The following NAA25 variants were observed in gnomAD, a reference collection of about 807,000 sequenced individuals.
NAA25 encodes the protein N-alpha-acetyltransferase 25, NatB auxiliary subunit.
A neutral mutation model predicts 132.5 loss-of-function variants in NAA25; 30 were observed. That is an observed-to-expected ratio of 0.23 (90% confidence interval 0.17 to 0.31). The LOEUF is 0.31. Among genes scored for constraint, NAA25 ranks in the 10% least tolerant of loss-of-function variants. The pLI, the probability that NAA25 is intolerant of heterozygous loss-of-function variation, is 1.00. For synonymous variants in NAA25, 359 were observed against 401.9 expected, an observed-to-expected ratio of 0.89 and a Z score of 1.28; for missense variants, 771 against 1,150.4, an observed-to-expected ratio of 0.67 and a Z score of 4.77.
chr12:112,076,690 T>G (rs116126208), intron 7 of NAA25, among the ~76,000 whole-genome samples: 2,338 of 151,336 alleles, frequency 0.015, 71 homozygotes, highest in African/African-American at 0.054. Flanking sequence ...AGAGCTATAA[T>G]GTAGTTTAAA....
At chr12:112,101,847 A>T (rs1267649867) in intron 1 of NAA25, among the ~76,000 whole-genome samples, 2 of 151,582 alleles carry the variant, frequency 1.3e-5, no homozygotes, top group African/African-American at 4.8e-5. Flanking sequence ...CAGCTATTAA[A>T]TTTTTTCCAA....
At position 112,069,175 on chromosome 12, in the gene NAA25, T is replaced by TC. The variant is rs60187929; in HGVS notation, c.1037-184dup. The TC allele has an allele frequency of 5.6e-6, 3 of 534,298 alleles. 1 individual carries two copies. In the African/African-American group the frequency reaches 5.8e-5, roughly 10 times the overall value. The allele number at this position is 534,298 out of a possible 1,614,324, so 33.1% of individuals were successfully genotyped here. ...AGACTGAACTCATTGTTCTACTCTT[T>TC]CCCCCTTTTCACCACTGCACCTGAC... On this transcript the variant is annotated intron_variant, in intron 10 of 23. Coordinates refer to ENST00000261745, the MANE Select transcript of NAA25 (RefSeq NM_024953.4).
At chr12:112,065,703 T>C (rs1305913929) in intron 11 of NAA25, 2 of 152,122 alleles carry the variant, frequency 1.3e-5, no homozygotes, top group Non-Finnish European at 2.9e-5. Context: ...AATCATTTTA[T>C]TGTTTAGCTA....
intron 5 of NAA25, among the ~76,000 whole-genome samples, chr12:112,079,805 G>C (rs528642121): frequency 2.0e-5 from 3 of 152,232 alleles, no homozygotes; most frequent in Admixed American, 6.5e-5. Context: ...AGTGATAAAA[G>C]AAGGCCACCC....
chr12:112,085,887 A>G (rs1462934177), intron 4 of NAA25, among the ~76,000 whole-genome samples: 2 of 148,846 alleles, frequency 1.3e-5, no homozygotes, highest in African/African-American at 5.0e-5. Context: ...GTGTGGTGAC[A>G]TGTGCCTGTA....
chr12:112,106,116 T>C (rs1007254785), intron 1 of NAA25, among the ~76,000 whole-genome samples: 1 of 152,228 alleles, frequency 6.6e-6, no homozygotes, highest in Non-Finnish European at 1.5e-5. Flanking sequence ...CCTGCCAGTT[T>C]ATACTAATCG....
At chr12:112,072,094 T>G in intron 9 of NAA25, 30 bp from the exon 10 acceptor site, 1 of 1,588,724 alleles carries the variant, frequency 6.3e-7, no homozygotes, top group Non-Finnish European at 8.6e-7. Flanking sequence ...AAAGGAATTT[T>G]ATTGCCTCTA....
intron 22 of NAA25, chr12:112,034,805 C>G (rs2078201918): frequency 7.4e-6 from 1 of 135,710 alleles, no homozygotes; most frequent in African/African-American, 2.8e-5. Context: ...CAGTGAGACT[C>G]TGTCTCAAAA....
Position 112,026,849 on chromosome 12 carries a change from C to T in NAA25, c.*2682G>A, listed in dbSNP as rs1044416050. 2.0e-5 allele frequency: 3 copies of T among 152,248 alleles called. No homozygotes were observed. The highest frequency in any genetic ancestry group is 7.2e-5 in the African/African-American group (3 of 41,428). 9.4% of individuals were successfully genotyped at this position (152,248 alleles called of 1,614,324 possible). On this transcript the variant is annotated 3_prime_UTR_variant, in exon 24 of 24. Transcript: ENST00000261745. Reference sequence around the variant, plus strand: ...TAACAAGCCTGTAGATACATTGAAACCCCTTTTTATATTAAAAGTTAAAAT... The same window carrying T: ...TAACAAGCCTGTAGATACATTGAAATCCCTTTTTATATTAAAAGTTAAAAT...
chr12:112,064,124 A>G (rs1034556968), intron 11 of NAA25: 4 of 152,332 alleles, frequency 2.6e-5, no homozygotes, highest in Admixed American at 2.6e-4. Flanking sequence ...TCTGTAATGA[A>G]TTTGCTTCAA....
chr12:112,096,954 GTAT>G (rs774595496), intron 1 of NAA25, among the ~76,000 whole-genome samples: 10 of 152,262 alleles, frequency 6.6e-5, no homozygotes, highest in Non-Finnish European at 1.2e-4. Context: ...GACTATAAGG[GTAT>G]TTTTCCCTTC....
At chr12:112,059,358 T>C (rs2078592866) in intron 13 of NAA25, among the ~76,000 whole-genome samples, 1 of 152,152 alleles carries the variant, frequency 6.6e-6, no homozygotes, top group South Asian at 2.1e-4. Flanking sequence ...TCTTCAGCCC[T>C]TTGTTTCTTC....
At chr12:112,072,269 C>T (rs2078821170) in intron 9 of NAA25, among the ~76,000 whole-genome samples, 1 of 152,094 alleles carries the variant, frequency 6.6e-6, no homozygotes, top group Admixed American at 6.5e-5. Flanking sequence ...ATTACTGCAG[C>T]ATAACTTACC....
intron 18 of NAA25, 77 bp downstream of exon 18, chr12:112,043,548 C>A: frequency 6.6e-7 from 1 of 1,515,648 alleles, no homozygotes; most frequent in Non-Finnish European, 9.0e-7. Flanking sequence ...ACTACTCACC[C>A]ACCCCAAACT....
At chr12:112,038,269 C>T (rs1463167047) in intron 22 of NAA25, among the ~76,000 whole-genome samples, 2 of 152,198 alleles carry the variant, frequency 1.3e-5, no homozygotes, top group Non-Finnish European at 2.9e-5. Context: ...CCGTCTCGGC[C>T]TCCCAAAGTG....
Position 112,027,662 on chromosome 12 carries a change from A to G in NAA25, c.*1869T>C, listed in dbSNP as rs979186432. On this transcript the variant is annotated 3_prime_UTR_variant, in exon 24 of 24. Coordinates refer to ENST00000261745, the MANE Select transcript of NAA25 (RefSeq NM_024953.4). ...ATGCTAGATTGATCATGGTCAGTCG[A>G]TAGACTTTTTCAAAGAGCATTTCTA... 6.6e-6 allele frequency: 1 copy of G among 152,258 alleles called. No individual in the cohort carries two copies. Among genetic ancestry groups the G allele is most frequent in the Non-Finnish European group, 1.5e-5 (1 of 68,050 alleles). The allele number at this position is 152,258 out of a possible 1,614,324, so 9.4% of individuals were successfully genotyped here. A position where few individuals can be genotyped will look rare whatever the true frequency, so the allele number is the denominator to read the frequency against.
At position 112,074,499 on chromosome 12, in the gene NAA25, T is replaced by C. The variant is rs796876540; in HGVS notation, c.866+176A>G. On this transcript the variant is annotated intron_variant, in intron 9 of 23. Transcript: ENST00000261745. Reference sequence around the variant, plus strand: ...CACACCACATATTTTGGCACTAACATGATTTTTAGAATGAACTTGTGTATT... The same window carrying C: ...CACACCACATATTTTGGCACTAACACGATTTTTAGAATGAACTTGTGTATT... Among the ~76,000 whole-genome samples, 3 of 152,254 alleles carry C rather than the reference T, an allele frequency of 2.0e-5. No individual in the cohort carries two copies. In the South Asian group the frequency reaches 6.2e-4, roughly 32 times the overall value.
intron 1 of NAA25, among the ~76,000 whole-genome samples, chr12:112,107,394 TTG>T (rs2079378831): frequency 1.3e-5 from 2 of 150,066 alleles, no homozygotes; most frequent in African/African-American, 4.9e-5. Context: ...TTTTTTTTTG[TTG>T]TTGTTGTTGT....
chr12:112,080,955 G>T, intron 5 of NAA25, 105 bp downstream of exon 5: 1 of 929,882 alleles, frequency 1.1e-6, no homozygotes, highest in Non-Finnish European at 1.8e-6. Flanking sequence ...GTGACAGCGT[G>T]ACCCTGTCTC....
Sources: allele counts gnomAD v4.1 joint callset (sites outside exome capture counted in the v4.1 genomes callset), GRCh38; gene constraint gnomAD v4.1.1; transcripts MANE v1.5; gene names NCBI Gene and HGNC (gene_info 2026-07-23, HGNC 2026-07-21).